The following CCDC198 variants were observed in gnomAD, a reference collection of about 807,000 sequenced individuals.
The protein encoded by CCDC198 is factor associated with metabolism and energy.
Under a neutral mutation model 35.6 loss-of-function variants are expected in CCDC198, and 18 were observed. The ratio of observed to expected loss-of-function variants is 0.51; its 90% CI spans 0.35 to 0.75. The LOEUF (loss-of-function observed/expected upper bound fraction) is 0.75. Ranked by LOEUF, CCDC198 falls within the 30% of genes least tolerant of loss-of-function variation. The probability of loss-of-function intolerance (pLI) is 0.01; values close to 1 mark genes in which losing one functional copy is unlikely to be tolerated. For missense variants in CCDC198, 365 were observed against 343.7 expected (o/e 1.06, Z -0.49); for synonymous variants, 119 against 113.4 (o/e 1.05, Z -0.31).
intron 2 of CCDC198, among the ~76,000 whole-genome samples, chr14:57,488,439 T>C (rs2067443522): frequency 6.6e-6 from 1 of 152,094 alleles, no homozygotes; most frequent in South Asian, 2.1e-4. Flanking sequence ...TAGCAGGGAG[T>C]GCACTTTGAG....
Position 57,481,606 on chromosome 14 carries a change from A to G in CCDC198, c.448T>C (p.Tyr150His), listed in dbSNP as rs772568923. 2.5e-6 allele frequency: 4 copies of G among 1,612,568 alleles called. No individual in the cohort carries two copies. The highest frequency in any genetic ancestry group is 3.4e-6 in the Non-Finnish European group (4 of 1,179,554). The change falls in exon 4 of 6, where the codon TAT becomes CAT. Residue 150 changes from tyrosine to histidine, a missense_variant. By Grantham distance (83) the Tyr-to-His change is moderately conservative. Transcript: ENST00000216445. The stretch of plus-strand genomic sequence containing the variant: ...TCCAGCACTTGCATCTTATGCAAAT[A>G]TTGTCTGTTCTCAGAAGTATACATT... Reference protein sequence around the residue: ...TPMYTSENRQYLHKMQVLEMI... With the variant: ...TPMYTSENRQHLHKMQVLEMI...
At position 57,471,228 on chromosome 14, in the gene CCDC198, A is replaced by G; in HGVS notation, c.*127T>C. 1.5e-6 allele frequency: 1 copy of G among 685,842 alleles called. No homozygotes were observed. Among genetic ancestry groups the G allele is most frequent in the Non-Finnish European group, 2.5e-6 (1 of 406,174 alleles). The allele number at this position is 685,842 out of a possible 1,614,324, so 42.5% of individuals were successfully genotyped here. A position where few individuals can be genotyped will look rare whatever the true frequency, so the allele number is the denominator to read the frequency against. Reference sequence around the variant, plus strand: ...ACGGACTTGTTAATCATAAGACTCTAAAGATATCATTTCTTTTTACCAAAG... The same window carrying G: ...ACGGACTTGTTAATCATAAGACTCTGAAGATATCATTTCTTTTTACCAAAG... On this transcript the variant is annotated 3_prime_UTR_variant, in exon 6 of 6. Transcript: ENST00000216445.
rs1224271600 is a variant in CCDC198, at chr14:57,478,817, T to C, written c.655+1778A>G. 7 of 1,121,928 alleles carry C rather than the reference T, an allele frequency of 6.2e-6. No homozygotes were observed. The African/African-American group carries it at 8.1e-5, about 13-fold the overall frequency. The allele number at this position is 1,121,928 out of a possible 1,614,324, so 69.5% of individuals were successfully genotyped here. On this transcript the variant is annotated intron_variant, in intron 5 of 5. Transcript: ENST00000216445. The stretch of plus-strand genomic sequence containing the variant: ...AGCCTTTTCTTATTTAATTAACTTA[T>C]TGATCGAGCGTCTTGTTTCTCCAAG...
At chr14:57,489,485 A>G (rs747476588) in intron 2 of CCDC198, among the ~76,000 whole-genome samples, 8 of 152,070 alleles carry the variant, frequency 5.3e-5, no homozygotes, top group Non-Finnish European at 1.2e-4. Context: ...ATTTACTTTT[A>G]TAACAAACCT....
intron 2 of CCDC198, among the ~76,000 whole-genome samples, chr14:57,486,626 A>C (rs2067369188): frequency 6.6e-6 from 1 of 152,138 alleles, no homozygotes; most frequent in African/African-American, 2.4e-5. Context: ...CATTGCCTTA[A>C]GTGAATAAAG....
chr14:57,483,020 C>A (rs373797820), intron 3 of CCDC198, 45 bp downstream of exon 3: 3 of 1,612,944 alleles, frequency 1.9e-6, no homozygotes, highest in Non-Finnish European at 2.5e-6. Context: ...TCCTGTGTCG[C>A]CCACCCCCAG....
rs371464027 is a variant in CCDC198, at chr14:57,484,563, T to A, written c.307-1412A>T. Among the ~76,000 whole-genome samples, 14 of 152,314 alleles carry A rather than the reference T, an allele frequency of 9.2e-5. 1 individual carries two copies. The highest frequency in any genetic ancestry group is 2.9e-4 in the African/African-American group (12 of 41,568). ...AAAGTGCCTTAAGGTAGTACCTTTT[T>A]AGTAGAAATTGGAAGATTGGGAGTT... On this transcript the variant is annotated intron_variant, in intron 2 of 5. Transcript: ENST00000216445.
At chr14:57,484,450 C>T (rs907775830) in intron 2 of CCDC198, among the ~76,000 whole-genome samples, 2 of 152,174 alleles carry the variant, frequency 1.3e-5, no homozygotes, top group Admixed American at 6.5e-5. Flanking sequence ...CCTCACAGGC[C>T]TCACAGGGAA....
chr14:57,470,158 A>T lies in CCDC198; in HGVS notation c.*1197T>A, dbSNP rs780407638. 1 of 152,294 alleles carries T rather than the reference A, an allele frequency of 6.6e-6. No homozygotes were observed. The highest frequency in any genetic ancestry group is 3.4e-3 in the Middle Eastern group (1 of 294). 9.4% of individuals were successfully genotyped at this position (152,294 alleles called of 1,614,324 possible). ...GTCTTAATTTTGAACTTTAATTCACAACGATCTTCTACACGTGACATTATC... is the reference window on the plus strand; with the variant it reads ...GTCTTAATTTTGAACTTTAATTCACTACGATCTTCTACACGTGACATTATC... On this transcript the variant is annotated 3_prime_UTR_variant, in exon 6 of 6. Transcript: ENST00000216445.
chr14:57,476,883 G>T (rs781701993), intron 5 of CCDC198, among the ~76,000 whole-genome samples: 1 of 152,232 alleles, frequency 6.6e-6, no homozygotes, highest in South Asian at 2.1e-4. Context: ...TTTAGAAGGC[G>T]TGGAAAGAAA....
At chr14:57,476,722 C>T (rs1021941571) in intron 5 of CCDC198, among the ~76,000 whole-genome samples, 4 of 152,112 alleles carry the variant, frequency 2.6e-5, no homozygotes, top group African/African-American at 4.8e-5. Flanking sequence ...CAAGAATGGG[C>T]CAGTATGTCA....
chr14:57,484,952 C>T (rs1195965672), intron 2 of CCDC198, among the ~76,000 whole-genome samples: 8 of 152,082 alleles, frequency 5.3e-5, no homozygotes. Context: ...AATTGATGAG[C>T]TCTACAAATG....
chr14:57,483,303 A>G, intron 2 of CCDC198, 152 bp from the exon 3 acceptor site: 3 of 1,158,050 alleles, frequency 2.6e-6, no homozygotes, highest in Non-Finnish European at 3.6e-6. Context: ...CATTACAGTT[A>G]TATTGGTACA....
intron 2 of CCDC198, among the ~76,000 whole-genome samples, chr14:57,489,267 C>T (rs1288997934): frequency 6.6e-6 from 1 of 152,122 alleles, no homozygotes; most frequent in African/African-American, 2.4e-5. Flanking sequence ...GCAAAACTAA[C>T]TCAGGAACAG....
At position 57,486,477 on chromosome 14, in the gene CCDC198, A is replaced by C. The variant is rs546791180; in HGVS notation, c.307-3326T>G. On this transcript the variant is annotated intron_variant, in intron 2 of 5. Coordinates refer to ENST00000216445, the MANE Select transcript of CCDC198 (RefSeq NM_018168.4). ...ATCATCAGACTTTTCCGGGATTAAA[A>C]AAAAAAAAAGAAATTCTTGGCCCCT... 2.6e-5 allele frequency among the ~76,000 whole-genome samples: 4 copies of C among 152,182 alleles called. 1 individual carries two copies. The highest frequency in any genetic ancestry group is 9.6e-5 in the African/African-American group (4 of 41,540).
intron 2 of CCDC198, among the ~76,000 whole-genome samples, chr14:57,484,328 C>T (rs1302852658): frequency 1.3e-5 from 2 of 152,064 alleles, no homozygotes; most frequent in Non-Finnish European, 2.9e-5. Context: ...AGGCAGGACA[C>T]GATGTGAAGA....
At chr14:57,485,949 C>A (rs151108908) in intron 2 of CCDC198, among the ~76,000 whole-genome samples, 23 of 152,258 alleles carry the variant, frequency 1.5e-4, no homozygotes, top group East Asian at 1.4e-3. Context: ...TGTCTGTTCC[C>A]TGAGTCTTAA....
chr14:57,475,319 TAAAAC>T (rs988530350), intron 5 of CCDC198: 7 of 923,204 alleles, frequency 7.6e-6, no homozygotes, highest in South Asian at 9.9e-5. Flanking sequence ...AAAAATAAAA[TAAAAC>T]AAGATTCTTT....
intron 2 of CCDC198, among the ~76,000 whole-genome samples, chr14:57,487,244 T>C (rs1333147801): frequency 6.6e-6 from 1 of 152,208 alleles, no homozygotes; most frequent in East Asian, 1.9e-4. Context: ...TCTAAAGACT[T>C]CTGGATTATT....
Sources: allele counts gnomAD v4.1 joint callset (sites outside exome capture counted in the v4.1 genomes callset), GRCh38; gene constraint gnomAD v4.1.1; transcripts MANE v1.5; gene names NCBI Gene and HGNC (gene_info 2026-07-23, HGNC 2026-07-21).